EML1: variants seen among roughly 807,000 people sequenced by gnomAD.
EML1 encodes EMAP like 1, also known as echinoderm microtubule-associated protein-like 1.
Under a neutral mutation model 110.4 loss-of-function variants are expected in EML1, and 27 were observed. The observed-to-expected ratio is 0.24, with a 90% CI of 0.18 to 0.34. The LOEUF (loss-of-function observed/expected upper bound fraction) is 0.34, where lower values mean the gene tolerates loss of function less well. Among genes scored for constraint, EML1 ranks in the 10% least tolerant of loss-of-function variants. The pLI, the probability that EML1 is intolerant of heterozygous loss-of-function variation, is 1.00. For synonymous variants in EML1, 344 were observed against 385.8 expected (o/e 0.89, Z 1.27); for missense variants, 741 against 1,030.9 (o/e 0.72, Z 3.85).
At position 99,910,346 on chromosome 14, in the gene EML1, T is replaced by A. The variant is rs1350834031; in HGVS notation, c.1339+5T>A. The A allele has an allele frequency of 6.2e-7, 1 of 1,603,702 alleles. No individual in the cohort carries two copies. The highest frequency in any genetic ancestry group is 8.5e-7 in the Non-Finnish European group (1 of 1,174,490). On this transcript the variant is annotated splice_donor_5th_base_variant and intron_variant, in intron 12 of 21. Coordinates refer to ENST00000262233, the MANE Select transcript of EML1 (RefSeq NM_004434.3). ...ACATCTTAGTATGGGGAAAAGGTAA[T>A]AAGTGATTGTTCCCAAAACCAATGG...
chr14:99,776,460 C>T (rs2057483746), intron 1 of EML1, among the ~76,000 whole-genome samples: 1 of 150,972 alleles, frequency 6.6e-6, no homozygotes, highest in Non-Finnish European at 1.5e-5. Flanking sequence ...GCTGAGATCG[C>T]ACCACTGCAC....
intron 1 of EML1, among the ~76,000 whole-genome samples, chr14:99,807,101 C>T (rs2057990864): frequency 6.6e-6 from 1 of 152,110 alleles, no homozygotes; most frequent in Non-Finnish European, 1.5e-5. Context: ...ATTTGCAGGA[C>T]TGTTTAAAGA....
intron 1 of EML1, among the ~76,000 whole-genome samples, chr14:99,808,847 T>TA (rs1411222708): frequency 6.6e-6 from 1 of 152,250 alleles, no homozygotes; most frequent in Non-Finnish European, 1.5e-5. Flanking sequence ...TTACAGTTTT[T>TA]AAAGCACCTT....
At chr14:99,911,703 AAT>A (rs1231191158) in intron 13 of EML1, 127 bp downstream of exon 13, 9 of 1,029,706 alleles carry the variant, frequency 8.7e-6, no homozygotes, top group Non-Finnish European at 1.2e-5. Context: ...ATATGGGAGC[AAT>A]GTATTTTATT....
upstream of EML1, chr14:99,793,389 G>A (rs1595287085): frequency 3.0e-6 from 3 of 998,518 alleles, no homozygotes; most frequent in Non-Finnish European, 3.6e-6. Context: ...CAGCGCCAGC[G>A]CCGGTCGCGG....
intron 1 of EML1, among the ~76,000 whole-genome samples, chr14:99,828,135 T>C (rs1303971568): frequency 6.6e-6 from 1 of 152,246 alleles, no homozygotes. Flanking sequence ...TTGTTAGCTC[T>C]TTTGTTTTGA....
chr14:99,784,701 C>T lies in EML1; in HGVS notation c.-27+10688C>T, dbSNP rs1352035562. On this transcript the variant is annotated intron_variant, in intron 1 of 22. Coordinates refer to the EML1 transcript ENST00000327921. The surrounding 1 kb of genome is among the most constrained non-coding windows in gnomAD (Gnocchi z 4.5). ...GTGTTGTTTCTCGGCCAGTGCCTCT[C>T]CCCCATTCCAGCCCATCCAGGCCGG... Among the ~76,000 whole-genome samples the T allele has an allele frequency of 6.6e-6, 1 of 152,226 alleles. No homozygotes were observed. Among genetic ancestry groups the T allele is most frequent in the Non-Finnish European group, 1.5e-5 (1 of 68,050 alleles).
chr14:99,754,200 T>TGCC (rs2057217233), intron 1 of EML1, among the ~76,000 whole-genome samples: 1 of 152,188 alleles, frequency 6.6e-6, no homozygotes, highest in African/African-American at 2.4e-5. Flanking sequence ...ATCCCTGGAG[T>TGCC]GCCAGCCTTC....
chr14:99,918,065 C>G (rs756881064), intron 16 of EML1, among the ~76,000 whole-genome samples: 16 of 152,174 alleles, frequency 1.1e-4, no homozygotes, highest in Non-Finnish European at 2.1e-4. Flanking sequence ...ACCCTCTCTC[C>G]TGGAAAAGGA....
At chr14:99,763,650 T>G (rs927464) in intron 1 of EML1, among the ~76,000 whole-genome samples, 1 of 152,148 alleles carries the variant, frequency 6.6e-6, no homozygotes, top group East Asian at 1.9e-4. Flanking sequence ...GCTTGTGGTC[T>G]TCGTGTTATT....
At position 99,863,194 on chromosome 14, in the gene EML1, CT is replaced by C. The variant is rs1454377986; in HGVS notation, c.251-2319del. On this transcript the variant is annotated intron_variant, in intron 2 of 21. Transcript: ENST00000262233. ...TCCACCTTTGTGGGAAGCACCCTTA[CT>C]AACTAGAATACAGTGCTGATGCGCA... Among the ~76,000 whole-genome samples, 6 of 152,216 alleles carry C rather than the reference CT, an allele frequency of 3.9e-5. No individual in the cohort carries two copies. In the East Asian group the frequency reaches 1.2e-3, roughly 29 times the overall value.
Position 99,878,594 on chromosome 14 carries a change from T to C in EML1, c.493T>C (p.Ser165Pro), listed in dbSNP as rs1256268506. 1.2e-6 allele frequency: 2 copies of C among 1,613,644 alleles called. No individual in the cohort carries two copies. Among genetic ancestry groups the C allele is most frequent in the Non-Finnish European group, 1.7e-6 (2 of 1,179,882 alleles). ...TCGCACAGGCTCCACCAGCAGCTCT[T>C]CCAGTGGCAAAAAGAACAGTGAAAG... ...RNRTGSTSSS[S>P]SGKKNSESKP... The change falls in exon 4 of 22, where the codon TCC becomes CCC. Residue 165 changes from serine to proline, a missense_variant. Ser to Pro is a moderately conservative substitution (Grantham distance 74, BLOSUM62 -1). This residue lies in a region of EML1 where 226 missense variants were observed against 255.6 expected (regional missense o/e 0.88). Transcript: ENST00000262233.
rs756435750 is a variant in EML1 at position 99,852,859 on chromosome 14, T to G, written c.250+1824T>G. Among the ~76,000 whole-genome samples the G allele has an allele frequency of 3.0e-4, 46 of 152,322 alleles. No homozygotes were observed. In the Middle Eastern group the frequency reaches 0.014, roughly 45 times the overall value. ...CACCTGTTGGGCTGATGTCTGCATT[T>G]TGAATAATCATTTTAAGTAATCTTT... On this transcript the variant is annotated intron_variant, in intron 2 of 21. Coordinates refer to ENST00000262233, the MANE Select transcript of EML1 (RefSeq NM_004434.3).
chr14:99,793,433 G>C lies in EML1; in HGVS notation c.-44G>C, dbSNP rs2057706364. On this transcript the variant is annotated 5_prime_UTR_variant, in exon 1 of 22. Coordinates refer to ENST00000262233, the MANE Select transcript of EML1 (RefSeq NM_004434.3). ...AGCTCAGTGTGTGGTGAGCGGCGGC[G>C]GCGCGGCCGGGCCGGGGAGCGGGCG... 2.9e-6 allele frequency: 3 copies of C among 1,030,604 alleles called. No homozygotes were observed. The highest frequency in any genetic ancestry group is 8.1e-5 in the East Asian group (1 of 12,300). 63.8% of individuals were successfully genotyped at this position (1,030,604 alleles called of 1,614,324 possible). A position where few individuals can be genotyped will look rare whatever the true frequency, so the allele number is the denominator to read the frequency against.
At chr14:99,821,760 A>G (rs1439849784) in intron 1 of EML1, among the ~76,000 whole-genome samples, 1 of 152,238 alleles carries the variant, frequency 6.6e-6, no homozygotes, top group Non-Finnish European at 1.5e-5. Context: ...CCATGTGACA[A>G]CACATGATGA....
intron 6 of EML1, among the ~76,000 whole-genome samples, chr14:99,895,548 A>G (rs2059658064): frequency 6.6e-6 from 1 of 152,138 alleles, no homozygotes; most frequent in South Asian, 2.1e-4. Context: ...ATTGGCAAAA[A>G]AGTTTTTAAA....
At chr14:99,776,496 T>G (rs571588603) in intron 1 of EML1, among the ~76,000 whole-genome samples, 281 of 148,118 alleles carry the variant, frequency 1.9e-3, no homozygotes, top group African/African-American at 6.7e-3. Context: ...AGAGCGAGAC[T>G]CCATCTCAAA....
chr14:99,846,822 C>T (rs1014714057), intron 1 of EML1, among the ~76,000 whole-genome samples: 6 of 152,124 alleles, frequency 3.9e-5, no homozygotes, highest in Non-Finnish European at 8.8e-5. Flanking sequence ...AAGAGATACT[C>T]ATTTACCCAT....
rs1326188576 is a variant in EML1, at chr14:99,936,619, G to A, written c.2095+285G>A. Among the ~76,000 whole-genome samples the A allele has an allele frequency of 6.6e-6, 1 of 152,200 alleles. No homozygotes were observed. The highest frequency in any genetic ancestry group is 6.5e-5 in the Admixed American group (1 of 15,286). ...AGAGGGGGGCTTGGGGCAGGCGGAT[G>A]TGGCAGAAGGGGGCGGGTCCGGGTG... is the stretch of plus-strand genomic sequence containing the variant. On this transcript the variant is annotated intron_variant, in intron 19 of 21. Coordinates refer to ENST00000262233, the MANE Select transcript of EML1 (RefSeq NM_004434.3). This position sits in a 1 kb window ranked among gnomAD's most constrained non-coding sequence, Gnocchi z 5.5.
Sources: gnomAD v4.1 joint callset for allele counts (sites outside exome capture counted in the v4.1 genomes callset) on GRCh38, gnomAD v4.1.1 for gene constraint, gnomAD v4.1.1 regional missense constraint, Gnocchi (gnomAD v3.1) non-coding constraint, MANE v1.5 for transcripts, NCBI Gene and HGNC (gene_info 2026-07-23, HGNC 2026-07-21) for gene names.